Variants in MFSD6 observed in about 807,000 individuals in gnomAD.
MFSD6 encodes major facilitator superfamily domain containing 6.
Under a neutral mutation model 56.3 loss-of-function variants are expected in MFSD6, and 26 were observed. The observed-to-expected ratio is 0.46, with a 90% CI of 0.34 to 0.64. MFSD6 has a LOEUF of 0.64. Among genes scored for constraint, MFSD6 ranks in the 30% least tolerant of loss-of-function variants. The pLI is 0.01. For missense variants in MFSD6, 750 were observed against 986.2 expected (o/e 0.76, Z 3.21); for synonymous variants, 331 against 366.9 (o/e 0.90, Z 1.12).
rs1465609105 is a variant in MFSD6, at chr2:190,434,782, ATTT to A, written c.-53-1192_-53-1190del. Among the ~76,000 whole-genome samples, 4 of 152,120 alleles carry A rather than the reference ATTT, an allele frequency of 2.6e-5. No homozygotes were observed. The South Asian group carries it at 8.3e-4, about 32-fold the overall frequency. On this transcript the variant is annotated intron_variant, in intron 2 of 7. Coordinates refer to ENST00000392328, the MANE Select transcript of MFSD6 (RefSeq NM_017694.4). The surrounding 1 kb of genome is among the most constrained non-coding windows in gnomAD (Gnocchi z 4.3). ...ACTGGCATCTTATCTAAAATGTGTTATTTTTCAGTTTAGTGTGTCTTAGAGCAG... is the reference window on the plus strand; with the variant it reads ...ACTGGCATCTTATCTAAAATGTGTTATTCAGTTTAGTGTGTCTTAGAGCAG...
At position 190,443,418 on chromosome 2, in the gene MFSD6, C is replaced by A. The variant is rs1419344376; in HGVS notation, c.1532+5857C>A. ...AACATGGCAATTGCTTCAACAATGACCAGCATAGATTAGGAGTTCAGCTTA... is the reference window on the plus strand; with the variant it reads ...AACATGGCAATTGCTTCAACAATGAACAGCATAGATTAGGAGTTCAGCTTA... On this transcript the variant is annotated intron_variant, in intron 3 of 7. Transcript: ENST00000392328. The surrounding 1 kb of genome is among the most constrained non-coding windows in gnomAD (Gnocchi z 4.2). 3.9e-5 allele frequency among the ~76,000 whole-genome samples: 6 copies of A among 152,112 alleles called. No individual in the cohort carries two copies. The highest frequency in any genetic ancestry group is 1.4e-4 in the African/African-American group (6 of 41,396).
intron 2 of MFSD6, among the ~76,000 whole-genome samples, chr2:190,430,700 C>T (rs915252163): frequency 4.7e-4 from 71 of 151,600 alleles, no homozygotes; most frequent in African/African-American, 1.6e-3. Flanking sequence ...CATCATGGCC[C>T]GTTCTCAATG....
chr2:190,491,800 C>T lies in MFSD6; in HGVS notation c.1891+1934C>T, dbSNP rs1689373726. Among the ~76,000 whole-genome samples the T allele has an allele frequency of 1.3e-5, 2 of 152,122 alleles. No individual in the cohort carries two copies. Among genetic ancestry groups the T allele is most frequent in the Admixed American group, 1.3e-4 (2 of 15,262 alleles). On this transcript the variant is annotated intron_variant, in intron 6 of 7. Coordinates refer to ENST00000392328, the MANE Select transcript of MFSD6 (RefSeq NM_017694.4). The surrounding 1 kb of genome is among the most constrained non-coding windows in gnomAD (Gnocchi z 4.2). ...CACTAGCACCAGCAATAGATCCAAACCAAGAAGAAATCTCTGACTTCCCTG... is the reference window on the plus strand; with the variant it reads ...CACTAGCACCAGCAATAGATCCAAATCAAGAAGAAATCTCTGACTTCCCTG...
At chr2:190,408,310 C>A, upstream of MFSD6, 1 of 141,228 alleles carries the variant, frequency 7.1e-6, no homozygotes, top group South Asian at 2.1e-4. Context: ...GTGGCCCCAC[C>A]CGGTCCGCAT....
At chr2:190,452,794 A>G (rs535944082) in intron 3 of MFSD6, among the ~76,000 whole-genome samples, 198 of 152,304 alleles carry the variant, frequency 1.3e-3, no homozygotes, top group Non-Finnish European at 2.2e-3. Flanking sequence ...TCCTGAGTGA[A>G]ACTCTTATTC....
chr2:190,476,910 T>C (rs1266142095), intron 4 of MFSD6, among the ~76,000 whole-genome samples: 6 of 152,024 alleles, frequency 3.9e-5, no homozygotes, highest in Middle Eastern at 3.4e-3. Flanking sequence ...TGTAGGGACA[T>C]GGATGAAGCT....
intron 3 of MFSD6, among the ~76,000 whole-genome samples, chr2:190,453,692 A>G (rs1345310177): frequency 6.6e-6 from 1 of 152,146 alleles, no homozygotes; most frequent in African/African-American, 2.4e-5. Context: ...CTCACTGAAA[A>G]CTCAAGGGCT....
chr2:190,482,502 T>C (rs900252357), intron 4 of MFSD6, among the ~76,000 whole-genome samples: 6 of 151,828 alleles, frequency 4.0e-5, no homozygotes, highest in Non-Finnish European at 7.4e-5. Flanking sequence ...GCTAAAGGGA[T>C]AGTTATGTTT....
chr2:190,423,589 GC>G lies in MFSD6; in HGVS notation c.-54+8177del, dbSNP rs1685700610. The stretch of plus-strand genomic sequence containing the variant: ...CTTTTTGGCTATTATGAAGAAAGCT[GC>G]TATAAACATTTATGCATGGGTTTCT... On this transcript the variant is annotated intron_variant, in intron 2 of 7. Coordinates refer to ENST00000392328, the MANE Select transcript of MFSD6 (RefSeq NM_017694.4). This position sits in a 1 kb window ranked among gnomAD's most constrained non-coding sequence, Gnocchi z 4.3. 6.6e-6 allele frequency among the ~76,000 whole-genome samples: 1 copy of G among 152,152 alleles called. No individual in the cohort carries two copies. Among genetic ancestry groups the G allele is most frequent in the Non-Finnish European group, 1.5e-5 (1 of 68,026 alleles).
rs948423130 is a variant in MFSD6, at chr2:190,469,298, C to G, written c.1533-460C>G. On this transcript the variant is annotated intron_variant, in intron 3 of 7. Coordinates refer to ENST00000392328, the MANE Select transcript of MFSD6 (RefSeq NM_017694.4). This position sits in a 1 kb window ranked among gnomAD's most constrained non-coding sequence, Gnocchi z 5.3. ...GTATCTTGGGTATTATGAGCAAGGC[C>G]ACATTCGTGTTTACATATTCTCATT... Among the ~76,000 whole-genome samples, 12 of 152,078 alleles carry G rather than the reference C, an allele frequency of 7.9e-5. No individual in the cohort carries two copies. The highest frequency in any genetic ancestry group is 2.9e-4 in the African/African-American group (12 of 41,410).
intron 3 of MFSD6, among the ~76,000 whole-genome samples, chr2:190,455,661 C>T (rs1376592789): frequency 6.6e-6 from 1 of 151,952 alleles, no homozygotes; most frequent in Non-Finnish European, 1.5e-5. Flanking sequence ...GAAAAAAATG[C>T]TTAAAAATTG....
At chr2:190,472,139 A>G (rs1187595312) in intron 4 of MFSD6, among the ~76,000 whole-genome samples, 2 of 152,192 alleles carry the variant, frequency 1.3e-5, no homozygotes, top group Non-Finnish European at 2.9e-5. Flanking sequence ...AAAGATGGGG[A>G]AAAAACAGAG....
At chr2:190,478,975 GC>G (rs899426921) in intron 4 of MFSD6, among the ~76,000 whole-genome samples, 28 of 152,260 alleles carry the variant, frequency 1.8e-4, no homozygotes, top group Non-Finnish European at 3.7e-4. Flanking sequence ...TCATTCTATA[GC>G]CCCCGCTACC....
chr2:190,460,656 A>G (rs1687279315), intron 3 of MFSD6, among the ~76,000 whole-genome samples: 1 of 152,182 alleles, frequency 6.6e-6, no homozygotes, highest in South Asian at 2.1e-4. Context: ...CAACCAAGAT[A>G]AGTGTTGTGA....
Position 190,408,424 on chromosome 2 carries a change from C to T in MFSD6, c.-255C>T, listed in dbSNP as rs894070. 1 of 150,644 alleles carries T rather than the reference C, an allele frequency of 6.6e-6. No homozygotes were observed. Among genetic ancestry groups the T allele is most frequent in the African/African-American group, 2.4e-5 (1 of 41,108 alleles). 9.3% of individuals were successfully genotyped at this position (150,644 alleles called of 1,614,324 possible). On this transcript the variant is annotated 5_prime_UTR_variant, in exon 1 of 8. Transcript: ENST00000392328. The stretch of plus-strand genomic sequence containing the variant: ...GCTGCCCCGACAGCCGCCGCCCCGG[C>T]GCCCCGAGCCGCCGCCCCGTGCTCC...
At position 190,492,907 on chromosome 2, in the gene MFSD6, C is replaced by T. The variant is rs912327450; in HGVS notation, c.1891+3041C>T. ...AATCTTGAAACAAATCCTGGAAACA[C>T]ATCCAAACAGAACCTCTTTAAAGCA... On this transcript the variant is annotated intron_variant, in intron 6 of 7. Coordinates refer to ENST00000392328, the MANE Select transcript of MFSD6 (RefSeq NM_017694.4). The surrounding 1 kb of genome is among the most constrained non-coding windows in gnomAD (Gnocchi z 5.2). Among the ~76,000 whole-genome samples the T allele has an allele frequency of 6.6e-6, 1 of 151,910 alleles. No individual in the cohort carries two copies. Among genetic ancestry groups the T allele is most frequent in the African/African-American group, 2.4e-5 (1 of 41,338 alleles).
At position 190,437,887 on chromosome 2, in the gene MFSD6, A is replaced by G. The variant is rs1170307956; in HGVS notation, c.1532+326A>G. 6.6e-6 allele frequency among the ~76,000 whole-genome samples: 1 copy of G among 152,172 alleles called. No homozygotes were observed. The highest frequency in any genetic ancestry group is 1.5e-5 in the Non-Finnish European group (1 of 68,024). On this transcript the variant is annotated intron_variant, in intron 3 of 7. Transcript: ENST00000392328. This position sits in a 1 kb window ranked among gnomAD's most constrained non-coding sequence, Gnocchi z 5.9. ...GTATAGGAACACCAGCTTAGTGAAC[A>G]TATTATTCCATGGAGGGTCCACCTG...
At chr2:190,484,543 A>G (rs1353002147) in intron 4 of MFSD6, among the ~76,000 whole-genome samples, 3 of 152,138 alleles carry the variant, frequency 2.0e-5, no homozygotes, top group Non-Finnish European at 4.4e-5. Flanking sequence ...AGGGTTTTCA[A>G]GTTTCTAGGT....
Position 190,474,633 on chromosome 2 carries a change from A to C in MFSD6, c.1630+4778A>C, listed in dbSNP as rs1688172810. Among the ~76,000 whole-genome samples the C allele has an allele frequency of 2.0e-5, 3 of 152,354 alleles. No homozygotes were observed. The South Asian group carries it at 6.2e-4, about 32-fold the overall frequency. On this transcript the variant is annotated intron_variant, in intron 4 of 7. Transcript: ENST00000392328. ...TGGATTCACAGCTGAATTCGACCAG[A>C]GGTACAAGGAGGAGCTGGTACCATT...
Sources: gnomAD v4.1 joint callset for allele counts (sites outside exome capture counted in the v4.1 genomes callset) on GRCh38, gnomAD v4.1.1 for gene constraint, Gnocchi (gnomAD v3.1) non-coding constraint, MANE v1.5 for transcripts, NCBI Gene and HGNC (gene_info 2026-07-23, HGNC 2026-07-21) for gene names.